PDCD11: variants seen among roughly 807,000 people sequenced by gnomAD.
The protein encoded by PDCD11 is protein RRP5 homolog.
PDCD11 carries 97 observed loss-of-function variants against 198.9 expected under a neutral mutation model. That is an observed-to-expected ratio of 0.49 (90% confidence interval 0.41 to 0.58). PDCD11 has a LOEUF of 0.58. Among genes scored for constraint, PDCD11 ranks in the 20% least tolerant of loss-of-function variants. PDCD11 has a pLI of 0.00. For synonymous variants in PDCD11, 893 were observed against 918.0 expected (o/e 0.97, Z 0.49); for missense variants, 2,102 against 2,312.7 (o/e 0.91, Z 1.87).
rs746659199 is a variant in PDCD11 at position 103,418,570 on chromosome 10, A to G, written c.2042A>G (p.His681Arg). 1.9e-6 allele frequency: 3 copies of G among 1,614,072 alleles called. No individual in the cohort carries two copies. The highest frequency in any genetic ancestry group is 2.5e-6 in the Non-Finnish European group (3 of 1,180,010). The stretch of plus-strand genomic sequence containing the variant: ...GTTGCCAACGGCCCATTGTTACATC[A>G]TTGGCTCCAGGCAGGTGACATCCTT... ...DHVANGPLLH[H>R]WLQAGDILHR... Residue 681 changes from histidine (H) to arginine (R), a missense_variant, in exon 15 of 36, where the codon CAT becomes CGT. Transcript: ENST00000369797.
rs2133759522 is a variant in PDCD11, at chr10:103,444,689, G to A, written c.5444+7G>A. On this transcript the variant is annotated splice_region_variant and intron_variant, in intron 35 of 35. Coordinates refer to ENST00000369797, the MANE Select transcript of PDCD11 (RefSeq NM_014976.2). Reference sequence around the variant, plus strand: ...GCAGCCAGAAGGACGTCCGGTGAGTGGGGCAGCTGGCCAAGGCCGAGTTCC... The same window carrying A: ...GCAGCCAGAAGGACGTCCGGTGAGTAGGGCAGCTGGCCAAGGCCGAGTTCC... 6 of 1,613,122 alleles carry A rather than the reference G, an allele frequency of 3.7e-6. No homozygotes were observed. The highest frequency in any genetic ancestry group is 5.1e-6 in the Non-Finnish European group (6 of 1,179,796).
chr10:103,429,314 CCTT>C (rs1375419588), intron 21 of PDCD11, among the ~76,000 whole-genome samples: 2 of 152,110 alleles, frequency 1.3e-5, no homozygotes, highest in Non-Finnish European at 2.9e-5. Flanking sequence ...TACTGCCAAC[CCTT>C]CTTTTTTGGA....
intron 1 of PDCD11, among the ~76,000 whole-genome samples, chr10:103,397,217 T>A (rs982851454): frequency 0.01 from 1,519 of 151,564 alleles, 13 homozygotes; most frequent in South Asian, 0.027. Flanking sequence ...AATCCTTTTT[T>A]TTTTTTTTTT....
At position 103,414,933 on chromosome 10, in the gene PDCD11, A is replaced by G. The variant is rs113699696; in HGVS notation, c.1372-72A>G. ...GTTGGCTGTGAAGGGGAGGTATGAC[A>G]TGCCTTGTTGTAAGAGGTGGGGGAA... On this transcript the variant is annotated intron_variant, in intron 11 of 35. Transcript: ENST00000369797. 3.4e-4 allele frequency: 527 copies of G among 1,552,908 alleles called. 3 individuals carry two copies. In the African/African-American group the frequency reaches 4.5e-3, roughly 13 times the overall value.
Position 103,432,010 on chromosome 10 carries a change from G to A in PDCD11, c.3369-119G>A, listed in dbSNP as rs376296260. On this transcript the variant is annotated intron_variant, in intron 21 of 35. Coordinates refer to ENST00000369797, the MANE Select transcript of PDCD11 (RefSeq NM_014976.2). ...TTGAGGAGAGAAACGGCCTTGGAGG[G>A]TGAGTATGAGTAGGGGAGTCCCGTA... The A allele has an allele frequency of 8.4e-5, 60 of 717,298 alleles. No homozygotes were observed. The African/African-American group carries it at 9.5e-4, about 11-fold the overall frequency. The allele number at this position is 717,298 out of a possible 1,614,324, so 44.4% of individuals were successfully genotyped here.
At chr10:103,401,472 T>C (rs1370924648) in intron 3 of PDCD11, among the ~76,000 whole-genome samples, 2 of 152,128 alleles carry the variant, frequency 1.3e-5, no homozygotes, top group Non-Finnish European at 1.5e-5. Flanking sequence ...GGTTTCACCA[T>C]GTTGGTCAGG....
At chr10:103,435,691 T>G (rs1276074047) in intron 25 of PDCD11, among the ~76,000 whole-genome samples, 1 of 152,214 alleles carries the variant, frequency 6.6e-6, no homozygotes, top group Non-Finnish European at 1.5e-5. Context: ...TTTTGTACTT[T>G]TAGTAGAGAC....
In PDCD11 at chr10:103,413,098, G is replaced by T. The variant is rs754310372; in HGVS notation, c.979-18G>T. 6.2e-7 allele frequency: 1 copy of T among 1,609,980 alleles called. No individual in the cohort carries two copies. Among genetic ancestry groups the T allele is most frequent in the East Asian group, 2.2e-5 (1 of 44,846 alleles). On this transcript the variant is annotated intron_variant, in intron 8 of 35. Transcript: ENST00000369797. ...CTGTGTGCCTCCTCCTGCTCACCCT[G>T]CCCTTCCTTTTGTCTAGGTGAGGGC...
chr10:103,443,768 G>A (rs991527125), intron 33 of PDCD11, 147 bp from the exon 34 acceptor site: 84 of 784,348 alleles, frequency 1.1e-4, no homozygotes, highest in Non-Finnish European at 1.5e-4. Context: ...CCTCCCTCCC[G>A]CTCCTCTCAG....
chr10:103,398,215 G>A (rs1033984440), intron 1 of PDCD11, among the ~76,000 whole-genome samples: 5 of 152,184 alleles, frequency 3.3e-5, no homozygotes, highest in African/African-American at 7.2e-5. Context: ...GAAGGTGGGT[G>A]GACTTGTGGT....
At chr10:103,403,825 C>CTGA (rs2030271014) in intron 4 of PDCD11, among the ~76,000 whole-genome samples, 1 of 152,080 alleles carries the variant, frequency 6.6e-6, no homozygotes, top group African/African-American at 2.4e-5. Context: ...TTCCTGAGGA[C>CTGA]TGAGGAGGCA....
rs1272503190 is a variant in PDCD11 at position 103,442,251 on chromosome 10, G to A, written c.4746G>A (p.Gln1582=). 1.2e-6 allele frequency: 2 copies of A among 1,614,198 alleles called. No individual in the cohort carries two copies. Among genetic ancestry groups the A allele is most frequent in the African/African-American group, 2.7e-5 (2 of 75,052 alleles). Residue 1582 remains glutamine, a synonymous_variant, in exon 32 of 36, where the codon CAG becomes CAA. Coordinates refer to ENST00000369797, the MANE Select transcript of PDCD11 (RefSeq NM_014976.2). ...KSKKERELEK[Q]KAEKELSRIE... ...AGAAAGAAAGGGAGTTGGAGAAGCA[G>A]AAGGCAGAGAAGGAACTGTCCCGCA...
intron 7 of PDCD11, among the ~76,000 whole-genome samples, chr10:103,409,326 CTT>C (rs57480812): frequency 6.8e-6 from 1 of 147,592 alleles, no homozygotes. Flanking sequence ...TTTTTTTAAC[CTT>C]TTTTTTTTAC....
chr10:103,433,856 G>A (rs1348021695), intron 22 of PDCD11, 92 bp from the exon 23 acceptor site: 51 of 938,286 alleles, frequency 5.4e-5, no homozygotes, highest in Middle Eastern at 2.1e-4. Flanking sequence ...AGTGTACTGG[G>A]GCCCTTTCCA....
rs772049374 is a variant in PDCD11, at chr10:103,442,199, G to A, written c.4708-14G>A. ...GGAGCAGATGACTCACGGTGTTTCT[G>A]CTTTCCATAGCAGATAAAGAAAAGC... On this transcript the variant is annotated splice_polypyrimidine_tract_variant and intron_variant, in intron 31 of 35. Transcript: ENST00000369797. The A allele has an allele frequency of 6.5e-5, 105 of 1,612,940 alleles. 1 individual carries two copies. The Middle Eastern group carries it at 1.2e-3, about 18-fold the overall frequency.
chr10:103,427,440 T>A, intron 21 of PDCD11, 49 bp downstream of exon 21: 4 of 1,398,460 alleles, frequency 2.9e-6, no homozygotes, highest in Non-Finnish European at 4.0e-6. Context: ...CACTGGGCTT[T>A]GGAATTAGGA....
At position 103,434,390 on chromosome 10, in the gene PDCD11, G is replaced by A. The variant is rs755334498; in HGVS notation, c.3667+40G>A. On this transcript the variant is annotated intron_variant, in intron 24 of 35. Coordinates refer to ENST00000369797, the MANE Select transcript of PDCD11 (RefSeq NM_014976.2). ...CAGTGCCTGGTCGGGGAAGGGGAGCGGCAGGAAGGGGTGGGATGGGTTTTC... is the reference window on the plus strand; with the variant it reads ...CAGTGCCTGGTCGGGGAAGGGGAGCAGCAGGAAGGGGTGGGATGGGTTTTC... 17 of 1,301,310 alleles carry A rather than the reference G, an allele frequency of 1.3e-5. No individual in the cohort carries two copies. The Admixed American group carries it at 1.7e-4, about 13-fold the overall frequency. The allele number at this position is 1,301,310 out of a possible 1,614,324, so 80.6% of individuals were successfully genotyped here.
chr10:103,412,462 A>G (rs1428347474), intron 8 of PDCD11, among the ~76,000 whole-genome samples: 2 of 152,114 alleles, frequency 1.3e-5, no homozygotes, highest in Non-Finnish European at 2.9e-5. Context: ...CTGGGATTAC[A>G]GGTGTGTGCC....
chr10:103,445,280 G>A, intron 35 of PDCD11, 98 bp from the exon 36 acceptor site: 1 of 1,082,086 alleles, frequency 9.2e-7, no homozygotes, highest in Admixed American at 1.8e-5. Flanking sequence ...ATGGGAGAGG[G>A]TCCTGGTTCC....
Sources: gnomAD v4.1 joint callset for allele counts (sites outside exome capture counted in the v4.1 genomes callset) on GRCh38, gnomAD v4.1.1 for gene constraint, MANE v1.5 for transcripts, NCBI Gene and HGNC (gene_info 2026-07-23, HGNC 2026-07-21) for gene names.